TRHDE: variants seen among roughly 807,000 people sequenced by gnomAD.
TRHDE encodes the protein thyrotropin-releasing hormone-degrading ectoenzyme.
Under a neutral mutation model 125.7 loss-of-function variants are expected in TRHDE, and 72 were observed. The observed-to-expected ratio is 0.57, with a 90% CI of 0.47 to 0.70. The LOEUF is 0.70. TRHDE is among the 30% of genes least tolerant of loss of function. TRHDE has a pLI of 0.00. For synonymous variants in TRHDE, 509 were observed against 509.1 expected (o/e 1.00, Z 0.00); for missense variants, 1,110 against 1,327.1 (o/e 0.84, Z 2.54).
chr12:72,405,455 G>A (rs1873225049), intron 3 of TRHDE, among the ~76,000 whole-genome samples: 1 of 152,118 alleles, frequency 6.6e-6, no homozygotes, highest in Non-Finnish European at 1.5e-5. Flanking sequence ...GTCTCTAGCT[G>A]TACATTGGTA....
In TRHDE at chr12:72,580,791, G is replaced by A. The variant is rs1284149787; in HGVS notation, c.2321+5249G>A. On this transcript the variant is annotated intron_variant, in intron 12 of 18. Coordinates refer to ENST00000261180, the MANE Select transcript of TRHDE (RefSeq NM_013381.3). ...TGTTTCGATAAAGCATGGTTATATT[G>A]GGGGATATAAAAGTGAACAAGATGC... 7.2e-5 allele frequency among the ~76,000 whole-genome samples: 11 copies of A among 152,214 alleles called. No individual in the cohort carries two copies. In the South Asian group the frequency reaches 2.3e-3, roughly 32 times the overall value.
intron 2 of TRHDE, among the ~76,000 whole-genome samples, chr12:72,158,934 CCAAT>C (rs1407229478): frequency 6.6e-6 from 1 of 152,136 alleles, no homozygotes; most frequent in Non-Finnish European, 1.5e-5. Flanking sequence ...TTACAAATGG[CCAAT>C]CAATGTGCCA....
rs1227093341 is a variant in TRHDE, at chr12:72,638,433, A to G, written c.2676-13889A>G. On this transcript the variant is annotated intron_variant, in intron 15 of 18. Transcript: ENST00000261180. The stretch of plus-strand genomic sequence containing the variant: ...GAGATGGGTTTCCTGAATACAGCAC[A>G]CTGATGGGTCTTGACTCTTTATCCA... Among the ~76,000 whole-genome samples the G allele has an allele frequency of 2.8e-4, 42 of 151,948 alleles. 1 individual carries two copies. The highest frequency in any genetic ancestry group is 2.8e-3 in the Admixed American group (42 of 15,256).
chr12:72,212,908 T>C (rs1313447276), intron 2 of TRHDE, among the ~76,000 whole-genome samples: 4 of 152,096 alleles, frequency 2.6e-5, no homozygotes, highest in African/African-American at 9.7e-5. Flanking sequence ...TTATTCATAA[T>C]AGTCAAAAAG....
Position 72,511,129 on chromosome 12 carries a change from C to A in TRHDE, c.1722+11494C>A, listed in dbSNP as rs144669633. Among the ~76,000 whole-genome samples the A allele has an allele frequency of 6.7e-3, 1,018 of 152,184 alleles. 2 individuals are homozygous for A. The highest frequency in any genetic ancestry group is 0.024 in the Middle Eastern group (7 of 292). Reference sequence around the variant, plus strand: ...TACTTAGGCTTGTGAAATCTTCATTCTTTGATATTCTTTAGAAATAAAATT... The same window carrying A: ...TACTTAGGCTTGTGAAATCTTCATTATTTGATATTCTTTAGAAATAAAATT... On this transcript the variant is annotated intron_variant, in intron 6 of 18. Coordinates refer to ENST00000261180, the MANE Select transcript of TRHDE (RefSeq NM_013381.3).
chr12:72,231,169 A>G (rs1380141520), intron 2 of TRHDE, among the ~76,000 whole-genome samples: 3 of 152,164 alleles, frequency 2.0e-5, no homozygotes, highest in Non-Finnish European at 4.4e-5. Context: ...TTTATGTTAC[A>G]ACCAAGGACA....
chr12:72,514,722 G>A (rs987211584), intron 6 of TRHDE, among the ~76,000 whole-genome samples: 4 of 150,712 alleles, frequency 2.7e-5, no homozygotes, highest in Non-Finnish European at 4.4e-5. Flanking sequence ...GTGCCATGCT[G>A]GTGCGCTGCA....
Position 72,204,425 on chromosome 12 carries a change from T to C in TRHDE, n.279+98673T>C, listed in dbSNP as rs911101825. On this transcript the variant is annotated intron_variant and non_coding_transcript_variant, in intron 2 of 4. Transcript: ENST00000548156. ...CTGTTATTTTTTTCTATATAAATTATCTCTTTTCTCTTACACATTCTCCCT... is the reference window on the plus strand; with the variant it reads ...CTGTTATTTTTTTCTATATAAATTACCTCTTTTCTCTTACACATTCTCCCT... 5.3e-5 allele frequency among the ~76,000 whole-genome samples: 8 copies of C among 152,308 alleles called. No homozygotes were observed. In the Middle Eastern group the frequency reaches 0.01, roughly 194 times the overall value.
At chr12:72,108,238 A>G (rs1566219540) in intron 2 of TRHDE, among the ~76,000 whole-genome samples, 1 of 152,096 alleles carries the variant, frequency 6.6e-6, no homozygotes, top group Admixed American at 6.6e-5. Context: ...ATGCAAATAG[A>G]TGGATTTGTA....
Position 72,459,508 on chromosome 12 carries a change from A to G in TRHDE, c.1316-10250A>G, listed in dbSNP as rs1275550185. ...AAGGTTTTACCTTATCCTACTTGTAATATCAACTAGTCAGACCACCACTGT... is the reference window on the plus strand; with the variant it reads ...AAGGTTTTACCTTATCCTACTTGTAGTATCAACTAGTCAGACCACCACTGT... On this transcript the variant is annotated intron_variant, in intron 3 of 18. Coordinates refer to ENST00000261180, the MANE Select transcript of TRHDE (RefSeq NM_013381.3). 2.6e-5 allele frequency among the ~76,000 whole-genome samples: 4 copies of G among 152,184 alleles called. No homozygotes were observed. The East Asian group carries it at 7.7e-4, about 29-fold the overall frequency.
At chr12:72,486,018 TCATACCCCA>T (rs894964718) in intron 5 of TRHDE, among the ~76,000 whole-genome samples, 4 of 152,176 alleles carry the variant, frequency 2.6e-5, no homozygotes, top group Non-Finnish European at 5.9e-5. Context: ...GTGTGGTACC[TCATACCCCA>T]CTGTGTTTTG....
intron 12 of TRHDE, among the ~76,000 whole-genome samples, chr12:72,610,002 A>C (rs1417870580): frequency 1.3e-5 from 2 of 152,180 alleles, no homozygotes; most frequent in Non-Finnish European, 1.5e-5. Flanking sequence ...GGAAATCATA[A>C]ACTCTGTGGA....
intron 3 of TRHDE, among the ~76,000 whole-genome samples, chr12:72,445,472 A>G (rs2135861889): frequency 6.6e-6 from 1 of 151,928 alleles, no homozygotes. Context: ...CTTGCTTCCT[A>G]CCTCATAGCT....
intron 2 of TRHDE, among the ~76,000 whole-genome samples, chr12:72,267,114 TTAAC>T (rs1304893001): frequency 8.5e-5 from 13 of 152,216 alleles, no homozygotes; most frequent in East Asian, 1.9e-4. Context: ...ACTAGACAAA[TTAAC>T]TAGTTTAACG....
intron 3 of TRHDE, among the ~76,000 whole-genome samples, chr12:72,410,598 T>C (rs1471013990): frequency 1.3e-5 from 2 of 151,980 alleles, no homozygotes. Flanking sequence ...ATTAGCATAA[T>C]TTAAAAAAGG....
At chr12:72,262,755 A>AT (rs1878979632) in intron 2 of TRHDE, 1 of 152,084 alleles carries the variant, frequency 6.6e-6, no homozygotes, top group Non-Finnish European at 1.5e-5. Context: ...AATAGCTTTG[A>AT]TTTTCTGTCT....
chr12:72,592,566 C>T (rs554987989), intron 12 of TRHDE, among the ~76,000 whole-genome samples: 115 of 145,176 alleles, frequency 7.9e-4, no homozygotes, highest in South Asian at 5.5e-3. Flanking sequence ...TTTTTTTTTT[C>T]TCTCTCTCTC....
chr12:72,163,133 A>G lies in TRHDE; in HGVS notation n.279+57381A>G, dbSNP rs1175845740. The G allele has an allele frequency of 3.3e-5, 5 of 152,308 alleles. 1 individual carries two copies. The East Asian group carries it at 9.6e-4, about 29-fold the overall frequency. 9.4% of individuals were successfully genotyped at this position (152,308 alleles called of 1,614,324 possible). On this transcript the variant is annotated intron_variant and non_coding_transcript_variant, in intron 2 of 4. Coordinates refer to the TRHDE transcript ENST00000548156. ...GGTAGGTTGAATTTACAGTTTTACC[A>G]TTTGTTTTTCAAAAAATTGAAAACA...
chr12:72,406,375 G>C (rs753276445), intron 3 of TRHDE, among the ~76,000 whole-genome samples: 5 of 152,098 alleles, frequency 3.3e-5, no homozygotes, highest in Non-Finnish European at 7.4e-5. Context: ...AAAATCTCTT[G>C]GCTTGTAATA....
Sources: allele counts gnomAD v4.1 joint callset (sites outside exome capture counted in the v4.1 genomes callset), GRCh38; gene constraint gnomAD v4.1.1; transcripts MANE v1.5; gene names NCBI Gene and HGNC (gene_info 2026-07-23, HGNC 2026-07-21).